The following EVC2 variants were observed in gnomAD, a reference collection of about 807,000 sequenced individuals.
EVC2 encodes EvC ciliary complex subunit 2.
In EVC2, 148 loss-of-function variants were observed where a neutral mutation model predicts 149.3. The ratio of observed to expected loss-of-function variants is 0.99; its 90% CI spans 0.87 to 1.14. The LOEUF (loss-of-function observed/expected upper bound fraction) is 1.14. Among genes scored for constraint, EVC2 ranks in the 50% most tolerant of loss-of-function variants. EVC2 has a pLI of 0.00. For missense variants in EVC2, 1,854 were observed against 1,627.3 expected (o/e 1.14, Z -2.40); for synonymous variants, 776 against 649.9 (o/e 1.19, Z -2.95).
chr4:5,654,172 C>A (rs1300396542), intron 9 of EVC2, among the ~76,000 whole-genome samples: 3 of 152,158 alleles, frequency 2.0e-5, no homozygotes, highest in African/African-American at 7.2e-5. Flanking sequence ...CAAGATTGTG[C>A]CACGGCACTC....
At chr4:5,627,497 G>A (rs77105994) in intron 12 of EVC2, among the ~76,000 whole-genome samples, 7,792 of 152,220 alleles carry the variant, frequency 0.051, 647 homozygotes, top group African/African-American at 0.18. Flanking sequence ...AACAGAGCAG[G>A]AGAGGGTCAA....
rs182526978 is a variant in EVC2, at chr4:5,635,165, C to T, written c.1471-3133G>A. 3.0e-3 allele frequency among the ~76,000 whole-genome samples: 447 copies of T among 150,594 alleles called. 1 individual carries two copies. Among genetic ancestry groups the T allele is most frequent in the African/African-American group, 0.01 (425 of 41,026 alleles). On this transcript the variant is annotated intron_variant, in intron 10 of 21. Coordinates refer to ENST00000344408, the MANE Select transcript of EVC2 (RefSeq NM_147127.5). ...GATTCTCCTGGCTCAGCCTCCCAAGCGGCTGGGATTACAGGTGTCCACCAC... is the reference window on the plus strand; with the variant it reads ...GATTCTCCTGGCTCAGCCTCCCAAGTGGCTGGGATTACAGGTGTCCACCAC...
At chr4:5,561,876 G>A (rs1019091896), downstream of EVC2, among the ~76,000 whole-genome samples, 2 of 152,076 alleles carry the variant, frequency 1.3e-5, no homozygotes, top group African/African-American at 4.8e-5. Context: ...ATCAGTCATC[G>A]CTTTTTTCCC....
the EVC2 span, among the ~76,000 whole-genome samples, chr4:5,535,909 CTT>C: frequency 6.6e-6 from 1 of 152,096 alleles, no homozygotes; most frequent in Non-Finnish European, 1.5e-5. This position sits in a 1 kb window ranked among gnomAD's most constrained non-coding sequence, Gnocchi z 4.7. Context: ...CCACTGCAGC[CTT>C]TGTCTTCTAC....
Position 5,614,954 on chromosome 4 carries a change from G to A in EVC2, c.2829+468C>T, listed in dbSNP as rs1032062458. Among the ~76,000 whole-genome samples the A allele has an allele frequency of 1.3e-5, 2 of 152,120 alleles. No individual in the cohort carries two copies. Among genetic ancestry groups the A allele is most frequent in the Non-Finnish European group, 2.9e-5 (2 of 68,024 alleles). On this transcript the variant is annotated intron_variant, in intron 16 of 21. Transcript: ENST00000344408. The surrounding 1 kb of genome is among the most constrained non-coding windows in gnomAD (Gnocchi z 4.7). ...ATCACACCACTGCACTCCAGCCTGG[G>A]TGACAGAGTAAGACTCCATTTCAAA...
chr4:5,689,113 T>C, intron 5 of EVC2, 44 bp downstream of exon 5: 1 of 1,605,322 alleles, frequency 6.2e-7, no homozygotes, highest in Non-Finnish European at 8.5e-7. Context: ...TATCTGTACA[T>C]ATTCTCATTT....
At chr4:5,564,356 T>C (rs1373360240) in intron 21 of EVC2, among the ~76,000 whole-genome samples, 2 of 152,242 alleles carry the variant, frequency 1.3e-5, no homozygotes, top group Non-Finnish European at 2.9e-5. Context: ...TAGAGTTCTA[T>C]AGAATGAATT....
At chr4:5,693,984 T>C (rs1454742875) in intron 3 of EVC2, among the ~76,000 whole-genome samples, 4 of 152,188 alleles carry the variant, frequency 2.6e-5, no homozygotes, top group East Asian at 1.9e-4. Flanking sequence ...GCCCGACCCA[T>C]AGTAAATGCT....
intron 7 of EVC2, among the ~76,000 whole-genome samples, chr4:5,668,557 G>A (rs529610243): frequency 2.6e-5 from 4 of 152,064 alleles, no homozygotes; most frequent in Admixed American, 6.5e-5. Flanking sequence ...GAAAAAAATC[G>A]ATAAGCTGAA....
intron 10 of EVC2, among the ~76,000 whole-genome samples, chr4:5,634,480 G>C (rs912328713): frequency 7.2e-5 from 11 of 152,126 alleles, no homozygotes; most frequent in African/African-American, 2.7e-4. Flanking sequence ...ATGAAATACG[G>C]GGTAATTTCC....
At chr4:5,671,687 C>G (rs1225074064) in intron 7 of EVC2, among the ~76,000 whole-genome samples, 3 of 152,018 alleles carry the variant, frequency 2.0e-5, no homozygotes, top group Non-Finnish European at 4.4e-5. Context: ...AATTTTTGTA[C>G]TTTTTGTAGA....
chr4:5,580,392 AG>A (rs1239753762), intron 17 of EVC2, among the ~76,000 whole-genome samples: 2 of 152,250 alleles, frequency 1.3e-5, no homozygotes, highest in Non-Finnish European at 2.9e-5. Flanking sequence ...AACAAACTAG[AG>A]GTAGGAGTTA....
rs1328944825 is a variant in EVC2, at chr4:5,689,139, A to C, written c.706+18T>G. Reference sequence around the variant, plus strand: ...ATTCTCATTTGTCATCCCTGACTTCAGAACGCTTTGCTGTTACCTTGCAGA... The same window carrying C: ...ATTCTCATTTGTCATCCCTGACTTCCGAACGCTTTGCTGTTACCTTGCAGA... On this transcript the variant is annotated intron_variant, in intron 5 of 21. Transcript: ENST00000344408. 1 of 1,613,648 alleles carries C rather than the reference A, an allele frequency of 6.2e-7. No individual in the cohort carries two copies. The highest frequency in any genetic ancestry group is 1.3e-5 in the African/African-American group (1 of 74,934).
At position 5,663,163 on chromosome 4, in the gene EVC2, T is replaced by A; in HGVS notation, c.1089A>T (p.Gln363His). 1.2e-6 allele frequency: 2 copies of A among 1,614,186 alleles called. No individual in the cohort carries two copies. The highest frequency in any genetic ancestry group is 2.2e-5 in the South Asian group (2 of 91,080). ...GVNEDLSLND[Q>H]MIDILSSEDP... Reference sequence around the variant, plus strand: ...CCTCGGAAGACAGAATGTCTATCATTTGGTCGTTAAGGGAAAGGTCCTCAT... The same window carrying A: ...CCTCGGAAGACAGAATGTCTATCATATGGTCGTTAAGGGAAAGGTCCTCAT... The change falls in exon 9 of 22, where the codon CAA becomes CAT. Residue 363 changes from glutamine to histidine, a missense_variant. Transcript: ENST00000344408.
At chr4:5,585,411 T>C (rs9995865) in intron 16 of EVC2, among the ~76,000 whole-genome samples, 64,700 of 151,810 alleles carry the variant, frequency 0.43, 14,705 homozygotes, top group East Asian at 0.86. Flanking sequence ...GTCTATAGTT[T>C]CCACGGAAGC....
intron 7 of EVC2, among the ~76,000 whole-genome samples, chr4:5,671,413 C>T (rs1201254671): frequency 6.6e-6 from 1 of 152,206 alleles, no homozygotes; most frequent in Non-Finnish European, 1.5e-5. Flanking sequence ...TTTTGGAACT[C>T]CTGAGTCTCT....
At chr4:5,707,939 C>T (rs61668396) in intron 1 of EVC2, 4,244 of 192,950 alleles carry the variant, frequency 0.022, 153 homozygotes, top group African/African-American at 0.09. Flanking sequence ...CCACTTCCAC[C>T]CTCTGGGGTG....
Position 5,625,684 on chromosome 4 carries a change from C to G in EVC2, c.2046+65G>C. The G allele has an allele frequency of 6.2e-7, 1 of 1,601,528 alleles. No individual in the cohort carries two copies. On this transcript the variant is annotated intron_variant, in intron 13 of 21. Transcript: ENST00000344408. The surrounding 1 kb of genome is among the most constrained non-coding windows in gnomAD (Gnocchi z 4.0). ...ACCAATGGCAATGTCTGGCACAGTA[C>G]CTGGCACTTGATGGGTATCAGAAAG...
chr4:5,638,246 G>A (rs1432125210), intron 10 of EVC2, among the ~76,000 whole-genome samples: 3 of 151,924 alleles, frequency 2.0e-5, no homozygotes, highest in East Asian at 1.9e-4. Flanking sequence ...AAAATTAGCC[G>A]GGCGTGGTGG....
Sources: gnomAD v4.1 joint callset for allele counts (sites outside exome capture counted in the v4.1 genomes callset) on GRCh38, gnomAD v4.1.1 for gene constraint, Gnocchi (gnomAD v3.1) non-coding constraint, MANE v1.5 for transcripts, NCBI Gene and HGNC (gene_info 2026-07-23, HGNC 2026-07-21) for gene names.